Variants in NTM observed in about 807,000 individuals in gnomAD.
The protein encoded by NTM is IgLON family member 2.
A neutral mutation model predicts 42.1 loss-of-function variants in NTM; 13 were observed. That is an observed-to-expected ratio of 0.31 (90% CI 0.20 to 0.49). The LOEUF is 0.49. Among genes scored for constraint, NTM ranks in the 20% least tolerant of loss-of-function variants. The pLI is 0.99. For missense variants in NTM, 373 were observed against 452.8 expected (o/e 0.82, Z 1.60); for synonymous variants, 187 against 179.2 (o/e 1.04, Z -0.35).
intron 1 of NTM, among the ~76,000 whole-genome samples, chr11:131,497,701 C>G (rs1457835360): frequency 2.0e-5 from 3 of 152,182 alleles, no homozygotes; most frequent in Admixed American, 6.5e-5. Flanking sequence ...TCTGAGTCTT[C>G]TCTCCAAAGA....
intron 1 of NTM, among the ~76,000 whole-genome samples, chr11:131,781,826 C>T (rs997609042): frequency 6.6e-6 from 1 of 152,306 alleles, no homozygotes; most frequent in African/African-American, 2.4e-5. Context: ...TCTGGAAGCT[C>T]ATTATCTTGC....
In NTM at chr11:132,180,729, A is replaced by G. The variant is rs564629800; in HGVS notation, c.401-31293A>G. Reference sequence around the variant, plus strand: ...TGAGTTTCCAAACACTATAAGTCTAATATGATTACCACCAGAGTTGGTGGT... The same window carrying G: ...TGAGTTTCCAAACACTATAAGTCTAGTATGATTACCACCAGAGTTGGTGGT... On this transcript the variant is annotated intron_variant, in intron 3 of 8. Transcript: ENST00000683400. 4.1e-4 allele frequency among the ~76,000 whole-genome samples: 63 copies of G among 152,268 alleles called. No homozygotes were observed. The South Asian group carries it at 5.4e-3, about 13-fold the overall frequency.
intron 7 of NTM, among the ~76,000 whole-genome samples, chr11:132,318,425 TC>T (rs979773887): frequency 2.6e-5 from 4 of 152,144 alleles, no homozygotes; most frequent in African/African-American, 9.7e-5. Context: ...AGGATGCCCC[TC>T]AGTGGAACAT....
At chr11:131,897,910 C>T (rs1006527464) in intron 1 of NTM, among the ~76,000 whole-genome samples, 3 of 152,164 alleles carry the variant, frequency 2.0e-5, no homozygotes, top group African/African-American at 7.2e-5. Flanking sequence ...ATGCTCAATT[C>T]CCAGAATTCA....
At chr11:131,566,407 ATGTGTGTGTGTGTGTCTCGATGTGCGTG>A (rs1320096633) in intron 1 of NTM, among the ~76,000 whole-genome samples, 5 of 147,174 alleles carry the variant, frequency 3.4e-5, no homozygotes, top group African/African-American at 5.1e-5. Flanking sequence ...CCACTGGTGC[ATGTGTGTGTGTGTGTCTCGATGTGCGTG>A]TGTGTGTGTG....
chr11:132,025,728 A>G (rs2075079818), intron 2 of NTM, among the ~76,000 whole-genome samples: 2 of 152,194 alleles, frequency 1.3e-5, no homozygotes, highest in Admixed American at 1.3e-4. Flanking sequence ...TGAGCTGAAG[A>G]TGAGAAGCAT....
chr11:131,747,020 G>A (rs1219705461), intron 1 of NTM, among the ~76,000 whole-genome samples: 1 of 152,132 alleles, frequency 6.6e-6, no homozygotes, highest in African/African-American at 2.4e-5. Context: ...GAAGAAAAAT[G>A]ACATACATAT....
chr11:132,006,443 G>A (rs1044815697), intron 2 of NTM, among the ~76,000 whole-genome samples: 24 of 152,296 alleles, frequency 1.6e-4, no homozygotes, highest in South Asian at 6.2e-4. Flanking sequence ...GAAGAGCCAA[G>A]AGAATATGAG....
chr11:131,680,443 ATATCTG>A (rs1565414467), intron 1 of NTM, among the ~76,000 whole-genome samples: 8 of 68,254 alleles, frequency 1.2e-4, no homozygotes, highest in Admixed American at 3.2e-4. Flanking sequence ...GTGTGAGATC[ATATCTG>A]TGTCTGTGTC....
intron 2 of NTM, among the ~76,000 whole-genome samples, chr11:132,110,338 A>G (rs1175865781): frequency 1.3e-5 from 2 of 152,234 alleles, no homozygotes; most frequent in Non-Finnish European, 2.9e-5. Context: ...CAAAACACTT[A>G]GGAAATAATA....
At chr11:131,770,769 A>G (rs1036327040) in intron 1 of NTM, 1 of 152,168 alleles carries the variant, frequency 6.6e-6, no homozygotes, top group Admixed American at 6.5e-5. Context: ...TACAGTTTCA[A>G]CGTCAGCCTC....
At chr11:132,033,152 C>T (rs1355330633) in intron 2 of NTM, among the ~76,000 whole-genome samples, 2 of 152,188 alleles carry the variant, frequency 1.3e-5, no homozygotes, top group South Asian at 2.1e-4. Context: ...AGAGCACGCT[C>T]ATGGCTGCGG....
At chr11:131,703,421 A>G (rs1193169140) in intron 1 of NTM, among the ~76,000 whole-genome samples, 4 of 152,262 alleles carry the variant, frequency 2.6e-5, no homozygotes, top group African/African-American at 9.6e-5. Flanking sequence ...GGATTTTGGA[A>G]GGAGAAAGTC....
intron 1 of NTM, among the ~76,000 whole-genome samples, chr11:131,601,473 A>G (rs1251803065): frequency 6.6e-6 from 1 of 152,240 alleles, no homozygotes; most frequent in Non-Finnish European, 1.5e-5. Context: ...GACACTTTTG[A>G]ATAATTAAAT....
Position 131,742,066 on chromosome 11 carries a change from C to T in NTM, c.83-169498C>T, listed in dbSNP as rs144967410. Among the ~76,000 whole-genome samples, 449 of 152,196 alleles carry T rather than the reference C, an allele frequency of 3.0e-3. 8 individuals are homozygous for T. Among genetic ancestry groups the T allele is most frequent in the African/African-American group, 0.01 (426 of 41,522 alleles). On this transcript the variant is annotated intron_variant, in intron 1 of 8. Coordinates refer to ENST00000683400, the MANE Select transcript of NTM (RefSeq NM_001352005.2). ...AGAAGAGAACAACACACACTGGGGCCTATTGGAGGGTGGAGGCTGGGAGGT... is the reference window on the plus strand; with the variant it reads ...AGAAGAGAACAACACACACTGGGGCTTATTGGAGGGTGGAGGCTGGGAGGT...
At chr11:131,527,107 T>G (rs2050602253) in intron 1 of NTM, among the ~76,000 whole-genome samples, 3 of 152,210 alleles carry the variant, frequency 2.0e-5, no homozygotes, top group Non-Finnish European at 2.9e-5. Flanking sequence ...GGAGGAACTT[T>G]GCCCACACTG....
intron 2 of NTM, among the ~76,000 whole-genome samples, chr11:131,943,463 C>T (rs552045490): frequency 8.5e-5 from 13 of 152,328 alleles, no homozygotes; most frequent in South Asian, 2.1e-4. Context: ...AGCTAGTTTA[C>T]GAGTCACCAC....
intron 3 of NTM, among the ~76,000 whole-genome samples, chr11:132,177,846 A>G (rs1052135578): frequency 6.6e-6 from 1 of 152,232 alleles, no homozygotes; most frequent in African/African-American, 2.4e-5. Context: ...GTAAACCTCT[A>G]GTTAATTCCC....
chr11:131,890,562 C>G (rs1294810299), intron 1 of NTM, among the ~76,000 whole-genome samples: 1 of 152,190 alleles, frequency 6.6e-6, no homozygotes, highest in Non-Finnish European at 1.5e-5. Context: ...TAGCAATTTT[C>G]AATCATCTTT....
Sources: allele counts gnomAD v4.1 joint callset (sites outside exome capture counted in the v4.1 genomes callset), GRCh38; gene constraint gnomAD v4.1.1; transcripts MANE v1.5; gene names NCBI Gene and HGNC (gene_info 2026-07-23, HGNC 2026-07-21).